HELQ: variants seen among roughly 807,000 people sequenced by gnomAD.
The protein encoded by HELQ is helicase, POLQ like, also known as helicase POLQ-like.
HELQ carries 77 observed loss-of-function variants against 111.6 expected under a neutral mutation model. The observed-to-expected ratio is 0.69, with a 90% CI of 0.57 to 0.83. HELQ has a LOEUF of 0.83. HELQ is among the 40% of genes least tolerant of loss of function. The pLI is 0.00. For missense variants in HELQ, 1,200 were observed against 1,288.5 expected (o/e 0.93, Z 1.05); for synonymous variants, 438 against 454.7 (o/e 0.96, Z 0.47).
chr4:83,438,830 C>T (rs1003344177), intron 8 of HELQ, among the ~76,000 whole-genome samples: 1 of 151,082 alleles, frequency 6.6e-6, no homozygotes, highest in African/African-American at 2.4e-5. Flanking sequence ...AGTGATTAGT[C>T]CTTTGACTGA....
chr4:83,429,426 G>A (rs1457815879), intron 12 of HELQ, 98 bp downstream of exon 12: 1 of 893,374 alleles, frequency 1.1e-6, no homozygotes, highest in African/African-American at 1.7e-5. Context: ...TGGGATTACA[G>A]GCGTGAGCCA....
At chr4:83,431,575 C>A in intron 11 of HELQ, 89 bp downstream of exon 11, 1 of 483,234 alleles carries the variant, frequency 2.1e-6, no homozygotes, top group Admixed American at 3.7e-5. Context: ...ATAAAATCTA[C>A]ACAGTTGCAT....
At position 83,409,586 on chromosome 4, in the gene HELQ, AC is replaced by A. The variant is rs200432511; in HGVS notation, c.3199-2027del. ...AAAAGAGAAAAGAAAACCAATAAGA[AC>A]CCAAACTCTTCATCTCATAAAAATT... On this transcript the variant is annotated intron_variant, in intron 17 of 17. Coordinates refer to ENST00000295488, the MANE Select transcript of HELQ (RefSeq NM_133636.5). Among the ~76,000 whole-genome samples the A allele has an allele frequency of 5.5e-3, 836 of 151,906 alleles. 2 individuals are homozygous for A. The highest frequency in any genetic ancestry group is 0.01 in the Middle Eastern group (3 of 292).
intron 16 of HELQ, 150 bp downstream of exon 16, chr4:83,417,943 T>C: frequency 2.0e-6 from 1 of 492,324 alleles, no homozygotes; most frequent in Admixed American, 3.2e-5. Context: ...CCATAACAGC[T>C]ATTTGTTTTA....
At position 83,453,879 on chromosome 4, in the gene HELQ, G is replaced by A. The variant is rs747334930; in HGVS notation, c.364C>T (p.Gln122Ter). Residue 122 changes from glutamine (Q) to a stop codon, truncating the protein, a stop_gained, in exon 2 of 18, where the codon CAA becomes TAA. Transcript: ENST00000295488. LOFTEE classifies it high-confidence loss of function. ...DSFTENSFIA[Q>*]VDDLEQKYMQ... ...TATTTTTGTTCCAGGTCGTCAACTTGAGCTATAAAGGAGTTTTCAGTAAAG... is the reference window on the plus strand; with the variant it reads ...TATTTTTGTTCCAGGTCGTCAACTTAAGCTATAAAGGAGTTTTCAGTAAAG... 6.2e-7 allele frequency: 1 copy of A among 1,613,920 alleles called. No individual in the cohort carries two copies. Among genetic ancestry groups the A allele is most frequent in the Non-Finnish European group, 8.5e-7 (1 of 1,179,848 alleles).
At chr4:83,407,769 C>T (rs1291397798) in intron 17 of HELQ, among the ~76,000 whole-genome samples, 2 of 152,206 alleles carry the variant, frequency 1.3e-5, no homozygotes, top group South Asian at 2.1e-4. Context: ...TAGCTGATCA[C>T]TGCCTTTTAG....
In HELQ at chr4:83,448,848, C is replaced by T. The variant is rs1721195394; in HGVS notation, c.1126G>A (p.Glu376Lys). 6.2e-7 allele frequency: 1 copy of T among 1,613,866 alleles called. No homozygotes were observed. Among genetic ancestry groups the T allele is most frequent in the Admixed American group, 1.7e-5 (1 of 59,990 alleles). ...TLVAEILMLQ[E>K]LLCCRKDVLM... ...ACATCTTTCCGACAGCAAAGCAGTT[C>T]TTGCAGCATTAAAATCTCAGCCACG... is the stretch of plus-strand genomic sequence containing the variant. The change falls in exon 3 of 18, where the codon GAA becomes AAA. Residue 376 changes from glutamate (E) to lysine (K), a missense_variant. By Grantham distance (56) the Glu-to-Lys change is moderately conservative. Transcript: ENST00000295488.
chr4:83,434,320 G>A (rs543105706), intron 9 of HELQ, among the ~76,000 whole-genome samples: 67 of 152,206 alleles, frequency 4.4e-4, no homozygotes, highest in African/African-American at 1.6e-3. Context: ...GCAGTGAGCC[G>A]AGACCGCACC....
chr4:83,426,186 C>T (rs1719839385), intron 13 of HELQ, 94 bp from the exon 14 acceptor site: 1 of 696,140 alleles, frequency 1.4e-6, no homozygotes, highest in African/African-American at 1.8e-5. Context: ...TCTCATGATT[C>T]AGGATACAAA....
chr4:83,449,892 T>C (rs1233936945), intron 2 of HELQ, among the ~76,000 whole-genome samples: 1 of 146,804 alleles, frequency 6.8e-6, no homozygotes. Flanking sequence ...GCCCCACACA[T>C]GCAAAATCCA....
chr4:83,439,912 T>C lies in HELQ; in HGVS notation c.1759A>G (p.Lys587Glu). 6.2e-7 allele frequency: 1 copy of C among 1,606,572 alleles called. No individual in the cohort carries two copies. The highest frequency in any genetic ancestry group is 8.5e-7 in the Non-Finnish European group (1 of 1,173,990). The change falls in exon 8 of 18, where the codon AAG (lysine) becomes GAG (glutamate). Residue 587 changes from lysine (K) to glutamate (E), a missense_variant. This residue lies in a region of HELQ where 585 missense variants were observed against 665.3 expected (regional missense o/e 0.88). Transcript: ENST00000295488. ...NYSCLVFCPS[K>E]KNCENVAEMI... The stretch of plus-strand genomic sequence containing the variant: ...TCTGCTACATTTTCACAGTTCTTCT[T>C]ACTAGGACAAAAAACTAAGCAGGAA...
intron 2 of HELQ, among the ~76,000 whole-genome samples, chr4:83,451,872 TAG>T (rs1386410482): frequency 2.6e-5 from 4 of 152,330 alleles, no homozygotes; most frequent in South Asian, 2.1e-4. Context: ...TGGATTCTTG[TAG>T]AGTCTTTTAT....
In HELQ at chr4:83,455,513, C is replaced by A; in HGVS notation, c.181G>T (p.Val61Phe). 6.2e-7 allele frequency: 1 copy of A among 1,614,150 alleles called. No individual in the cohort carries two copies. Among genetic ancestry groups the A allele is most frequent in the Middle Eastern group, 1.6e-4 (1 of 6,062 alleles). ...GAGAGTAGAAGGGGCTGTACCTCAA[C>A]CGGCAGTACGCCCGCGGTTTTCCGC... Reference protein sequence around the residue: ...RRRKTAGVLPVEVQPLLLSDS... With the variant: ...RRRKTAGVLPFEVQPLLLSDS... The change falls in exon 1 of 18, where the codon GTT (valine) becomes TTT (phenylalanine). Residue 61 changes from valine (V) to phenylalanine (F), a missense_variant. This residue lies in a region of HELQ where 610 missense variants were observed against 607.1 expected (regional missense o/e 1.00). Transcript: ENST00000295488.
At chr4:83,409,504 A>G (rs1169785313) in intron 17 of HELQ, among the ~76,000 whole-genome samples, 1 of 152,066 alleles carries the variant, frequency 6.6e-6, no homozygotes, top group African/African-American at 2.4e-5. Flanking sequence ...CAGTGAGCCA[A>G]GATTGCACCA....
At chr4:83,432,924 G>A (rs1434298399) in intron 9 of HELQ, among the ~76,000 whole-genome samples, 1 of 152,064 alleles carries the variant, frequency 6.6e-6, no homozygotes, top group Non-Finnish European at 1.5e-5. Flanking sequence ...GCTGGGCATG[G>A]TAGTGTGCCC....
rs1372292716 is a variant in HELQ, at chr4:83,432,262, A to AT, written c.2053dup (p.Ile685AsnfsTer9). 1 of 1,555,728 alleles carries AT rather than the reference A, an allele frequency of 6.4e-7. No homozygotes were observed. Among genetic ancestry groups the AT allele is most frequent in the African/African-American group, 1.4e-5 (1 of 72,720 alleles). On this transcript the variant is annotated frameshift_variant, in exon 10 of 18. Transcript: ENST00000295488. LOFTEE classifies it high-confidence loss of function. ...CTTAGCAACATAGGGAGCTCTTAAA[A>AT]TAACTCTGTGGAATTAATGAAAAAT...
intron 12 of HELQ, among the ~76,000 whole-genome samples, chr4:83,427,925 G>T (rs1719930723): frequency 6.6e-6 from 1 of 152,042 alleles, no homozygotes; most frequent in Non-Finnish European, 1.5e-5. Context: ...CAACTATTTT[G>T]GGGAATCTAA....
At chr4:83,434,436 AG>A (rs1353779692) in intron 9 of HELQ, among the ~76,000 whole-genome samples, 2 of 152,174 alleles carry the variant, frequency 1.3e-5, no homozygotes, top group African/African-American at 4.8e-5. Context: ...TAATGGATAC[AG>A]TTAATGTAGT....
In HELQ at chr4:83,440,025, T is replaced by G. The variant is rs148160285; in HGVS notation, c.1663-17A>C. ...ATCAGAATACTGCAAAACAACAAGATGTAGGAACAAAGTGGTTAGTAAACA... is the reference window on the plus strand; with the variant it reads ...ATCAGAATACTGCAAAACAACAAGAGGTAGGAACAAAGTGGTTAGTAAACA... On this transcript the variant is annotated splice_polypyrimidine_tract_variant and intron_variant, in intron 7 of 17. Transcript: ENST00000295488. The G allele has an allele frequency of 3.0e-3, 4,763 of 1,599,506 alleles. 10 individuals are homozygous for G. Among genetic ancestry groups the G allele is most frequent in the Admixed American group, 5.2e-3 (298 of 57,094 alleles).
Sources: gnomAD v4.1 joint callset for allele counts (sites outside exome capture counted in the v4.1 genomes callset) on GRCh38, gnomAD v4.1.1 for gene constraint, gnomAD v4.1.1 regional missense constraint, MANE v1.5 for transcripts, NCBI Gene and HGNC (gene_info 2026-07-23, HGNC 2026-07-21) for gene names.